The following ATP2B2 variants were observed in gnomAD, a reference collection of about 807,000 sequenced individuals.
ATP2B2 encodes the protein ATPase plasma membrane Ca2+ transporting 2.
In ATP2B2, 15 loss-of-function variants were observed where a neutral mutation model predicts 120.0. That is an observed-to-expected ratio of 0.12 (90% CI 0.08 to 0.19). ATP2B2 has a LOEUF of 0.19. ATP2B2 is among the 10% of genes least tolerant of loss of function. ATP2B2 has a pLI of 1.00. For missense variants in ATP2B2, 1,045 were observed against 1,719.8 expected (o/e 0.61, Z 6.94); for synonymous variants, 694 against 700.3 (o/e 0.99, Z 0.14).
intron 12 of ATP2B2, among the ~76,000 whole-genome samples, chr3:10,367,775 T>C (rs1317035862): frequency 6.6e-6 from 1 of 152,204 alleles, no homozygotes; most frequent in Non-Finnish European, 1.5e-5. Context: ...AGGGTCCTTA[T>C]CTACGCATTG....
At chr3:10,586,382 A>G (rs1322417231) in intron 2 of ATP2B2, among the ~76,000 whole-genome samples, 2 of 152,230 alleles carry the variant, frequency 1.3e-5, no homozygotes, top group East Asian at 3.8e-4. Flanking sequence ...CTGAGTCTCC[A>G]TCATCCCAAG....
chr3:10,505,885 T>G (rs2066609702), upstream of ATP2B2, among the ~76,000 whole-genome samples: 1 of 150,426 alleles, frequency 6.6e-6, no homozygotes, highest in African/African-American at 2.5e-5. Context: ...GCTGGCAGAG[T>G]CCCAGGAATA....
intron 3 of ATP2B2, among the ~76,000 whole-genome samples, chr3:10,523,306 A>G (rs973367202): frequency 6.6e-6 from 1 of 152,216 alleles, no homozygotes. Flanking sequence ...AAAACAATCC[A>G]AGTTCAGAGT....
intron 3 of ATP2B2, among the ~76,000 whole-genome samples, chr3:10,532,133 C>G (rs1575466507): frequency 6.6e-6 from 1 of 152,164 alleles, no homozygotes; most frequent in Admixed American, 6.5e-5. Flanking sequence ...CACCACTGCA[C>G]ATAGATTGTA....
chr3:10,579,975 C>T (rs2125559267), intron 2 of ATP2B2, among the ~76,000 whole-genome samples: 1 of 152,298 alleles, frequency 6.6e-6, no homozygotes, highest in South Asian at 2.1e-4. Flanking sequence ...AAGTTCTGAG[C>T]ACCCTGGTCA....
chr3:10,590,413 G>A (rs1320367142), intron 2 of ATP2B2, among the ~76,000 whole-genome samples: 1 of 152,218 alleles, frequency 6.6e-6, no homozygotes, highest in African/African-American at 2.4e-5. Context: ...TTTACTGTAT[G>A]AAAATTATTT....
intron 1 of ATP2B2, among the ~76,000 whole-genome samples, chr3:10,478,355 A>G (rs1239071593): frequency 6.6e-6 from 1 of 152,204 alleles, no homozygotes; most frequent in Non-Finnish European, 1.5e-5. Flanking sequence ...CTTTTGATGC[A>G]TTAAAGTTTT....
At chr3:10,508,948 G>A (rs1438939569), upstream of ATP2B2, among the ~76,000 whole-genome samples, 1 of 152,198 alleles carries the variant, frequency 6.6e-6, no homozygotes, top group Non-Finnish European at 1.5e-5. Context: ...GAGACATAGG[G>A]GAGGGGGACG....
chr3:10,422,408 T>C (rs992066780), intron 2 of ATP2B2, among the ~76,000 whole-genome samples: 1 of 152,174 alleles, frequency 6.6e-6, no homozygotes, highest in Non-Finnish European at 1.5e-5. Context: ...CAGGCATGTA[T>C]GCAATGCCTA....
intron 1 of ATP2B2, among the ~76,000 whole-genome samples, chr3:10,493,282 G>C (rs2066005321): frequency 6.6e-6 from 1 of 152,116 alleles, no homozygotes; most frequent in African/African-American, 2.4e-5. Flanking sequence ...AATAGATCAG[G>C]GATGGCCTTA....
At chr3:10,598,607 T>G (rs2068827330) in intron 2 of ATP2B2, among the ~76,000 whole-genome samples, 1 of 152,224 alleles carries the variant, frequency 6.6e-6, no homozygotes, top group Non-Finnish European at 1.5e-5. Flanking sequence ...CAACTTACTC[T>G]AGACGGCTTC....
At chr3:10,704,597 C>T (rs372629464) in intron 1 of ATP2B2, among the ~76,000 whole-genome samples, 1 of 152,248 alleles carries the variant, frequency 6.6e-6, no homozygotes. Flanking sequence ...CCGTCCAATT[C>T]TCTTCTGCTT....
rs367837268 is a variant in ATP2B2 at position 10,360,106 on chromosome 3, G to A, written c.1677C>T (p.Gly559=). 1.9e-5 allele frequency: 30 copies of A among 1,599,354 alleles called. No individual in the cohort carries two copies. Among genetic ancestry groups the A allele is most frequent in the Middle Eastern group, 1.7e-4 (1 of 6,010 alleles). Residue 559 remains glycine, a synonymous_variant, in exon 13 of 23, where the codon GGC becomes GGT. Coordinates refer to ENST00000360273, the MANE Select transcript of ATP2B2 (RefSeq NM_001001331.4). The stretch of plus-strand genomic sequence containing the variant: ...TGTTGCCCACCTGCCGAGGCAGGGC[G>A]CCCTCCTTCTCTGGGGGCTGCAGAG... ...TTKILPPEKE[G]ALPRQVGNKT...
At chr3:10,429,399 T>C (rs776290556) in intron 2 of ATP2B2, among the ~76,000 whole-genome samples, 9 of 152,240 alleles carry the variant, frequency 5.9e-5, no homozygotes, top group Non-Finnish European at 1.3e-4. Context: ...CTCATTTCTC[T>C]AAATCACATT....
chr3:10,424,627 T>C (rs891471255), intron 2 of ATP2B2, among the ~76,000 whole-genome samples: 4 of 152,244 alleles, frequency 2.6e-5, no homozygotes, highest in African/African-American at 9.6e-5. Flanking sequence ...ACATCATTTA[T>C]AGAAAAATGC....
chr3:10,369,790 C>T (rs774672308), intron 12 of ATP2B2, among the ~76,000 whole-genome samples: 4 of 152,182 alleles, frequency 2.6e-5, no homozygotes, highest in Non-Finnish European at 4.4e-5. Flanking sequence ...GGGATTTGAA[C>T]GAAGGCAGTC....
chr3:10,521,051 A>G (rs2066975419), intron 3 of ATP2B2, among the ~76,000 whole-genome samples: 1 of 152,212 alleles, frequency 6.6e-6, no homozygotes, highest in South Asian at 2.1e-4. Flanking sequence ...CAGGGTCTGC[A>G]TTTCGTGCAA....
chr3:10,576,699 T>C (rs1242001450), intron 2 of ATP2B2, among the ~76,000 whole-genome samples: 1 of 151,792 alleles, frequency 6.6e-6, no homozygotes, highest in South Asian at 2.1e-4. Context: ...TATTTAAAGG[T>C]CCAGAGTCCT....
At chr3:10,394,446 G>C (rs756052970) in intron 5 of ATP2B2, 5 of 471,048 alleles carry the variant, frequency 1.1e-5, no homozygotes, top group South Asian at 7.8e-5. Flanking sequence ...CTTGAGTGAT[G>C]GCCCAGGGTC....
Sources: allele counts gnomAD v4.1 joint callset (sites outside exome capture counted in the v4.1 genomes callset), GRCh38; gene constraint gnomAD v4.1.1; transcripts MANE v1.5; gene names NCBI Gene and HGNC (gene_info 2026-07-23, HGNC 2026-07-21).